ST6GALNAC5: variants seen among roughly 807,000 people sequenced by gnomAD.
ST6GALNAC5 encodes the protein ST6 N-acetylgalactosaminide alpha-2,6-sialyltransferase 5.
In ST6GALNAC5, 27 loss-of-function variants were observed where a neutral mutation model predicts 33.6. The observed-to-expected ratio is 0.80, with a 90% CI of 0.59 to 1.11. ST6GALNAC5 has a LOEUF of 1.11. ST6GALNAC5 is among the 50% of genes least tolerant of loss of function. The pLI is 0.00. For missense variants in ST6GALNAC5, 428 were observed against 454.0 expected, an observed-to-expected ratio of 0.94 and a Z score of 0.52; for synonymous variants, 194 against 171.2, an observed-to-expected ratio of 1.13 and a Z score of -1.04.
intron 2 of ST6GALNAC5, among the ~76,000 whole-genome samples, chr1:77,008,050 C>T (rs1195668682): frequency 6.6e-6 from 1 of 152,098 alleles, no homozygotes; most frequent in Non-Finnish European, 1.5e-5. Context: ...AGTAGACCAG[C>T]ATTCTATATT....
At chr1:76,999,613 T>G (rs1405475373) in intron 2 of ST6GALNAC5, among the ~76,000 whole-genome samples, 1 of 151,406 alleles carries the variant, frequency 6.6e-6, no homozygotes, top group Non-Finnish European at 1.5e-5. Flanking sequence ...TAGCATTAGG[T>G]ATATCTCCCA....
intron 2 of ST6GALNAC5, among the ~76,000 whole-genome samples, chr1:76,997,821 A>T (rs1649994221): frequency 6.6e-6 from 1 of 152,164 alleles, no homozygotes; most frequent in Non-Finnish European, 1.5e-5. Flanking sequence ...CAACATAGCG[A>T]GACCCCATCT....
chr1:77,015,587 G>C (rs2100429037), intron 2 of ST6GALNAC5, among the ~76,000 whole-genome samples: 1 of 152,272 alleles, frequency 6.6e-6, no homozygotes. Flanking sequence ...TAGTGGAGGA[G>C]ACAGACCTGA....
intron 2 of ST6GALNAC5, among the ~76,000 whole-genome samples, chr1:76,882,214 T>G (rs2100923911): frequency 6.6e-6 from 1 of 152,330 alleles, no homozygotes; most frequent in South Asian, 2.1e-4. Flanking sequence ...TGCATGGTAC[T>G]AATTAATTGA....
chr1:77,018,053 T>A (rs73003391), intron 2 of ST6GALNAC5, among the ~76,000 whole-genome samples: 4,797 of 152,234 alleles, frequency 0.032, 217 homozygotes, highest in African/African-American at 0.1. Context: ...AGATCCTTCA[T>A]TGGCGCTGAG....
intron 2 of ST6GALNAC5, among the ~76,000 whole-genome samples, chr1:76,974,983 C>T (rs1648947112): frequency 6.6e-6 from 1 of 151,564 alleles, no homozygotes; most frequent in African/African-American, 2.4e-5. Flanking sequence ...AACGGGGTTT[C>T]ACCATGTTAG....
At chr1:77,048,188 A>G (rs1399845165) in intron 3 of ST6GALNAC5, among the ~76,000 whole-genome samples, 1 of 152,210 alleles carries the variant, frequency 6.6e-6, no homozygotes, top group African/African-American at 2.4e-5. Flanking sequence ...GTGGTTTACA[A>G]TCTCTACTAC....
chr1:76,989,806 A>G (rs1353866390), intron 2 of ST6GALNAC5, among the ~76,000 whole-genome samples: 1 of 152,066 alleles, frequency 6.6e-6, no homozygotes, highest in African/African-American at 2.4e-5. Flanking sequence ...TTAGGGTAGA[A>G]GGTCACATCC....
chr1:76,896,831 A>G (rs1289237966), intron 2 of ST6GALNAC5, among the ~76,000 whole-genome samples: 1 of 152,176 alleles, frequency 6.6e-6, no homozygotes, highest in Non-Finnish European at 1.5e-5. Flanking sequence ...TAGGGCCTCT[A>G]AAAGTATTAA....
chr1:76,944,681 T>C (rs1647452503), intron 2 of ST6GALNAC5, among the ~76,000 whole-genome samples: 1 of 152,098 alleles, frequency 6.6e-6, no homozygotes, highest in Non-Finnish European at 1.5e-5. Flanking sequence ...AGCCAGCACA[T>C]TGTCTATAAA....
chr1:76,963,905 C>A (rs181571778), intron 2 of ST6GALNAC5, among the ~76,000 whole-genome samples: 3 of 152,050 alleles, frequency 2.0e-5, no homozygotes, highest in African/African-American at 7.2e-5. Flanking sequence ...AAGGGGAGAA[C>A]CTTTTCCCAC....
At chr1:76,926,336 C>T (rs1409504617) in intron 2 of ST6GALNAC5, among the ~76,000 whole-genome samples, 6 of 152,168 alleles carry the variant, frequency 3.9e-5, no homozygotes, top group Middle Eastern at 3.4e-3. Context: ...TATCACCCAG[C>T]GGCAACCATT....
intron 2 of ST6GALNAC5, among the ~76,000 whole-genome samples, chr1:76,910,667 T>C (rs1646902649): frequency 6.6e-6 from 1 of 152,070 alleles, no homozygotes; most frequent in Admixed American, 6.6e-5. Flanking sequence ...TTGTTATCAA[T>C]GTGAGTTTGA....
chr1:76,988,003 C>T (rs1649579332), intron 2 of ST6GALNAC5, among the ~76,000 whole-genome samples: 3 of 152,236 alleles, frequency 2.0e-5, no homozygotes, highest in Admixed American at 2.0e-4. Context: ...CTTAGAAACA[C>T]CAATTATTCT....
chr1:76,877,111 A>C (rs755194890), intron 2 of ST6GALNAC5, among the ~76,000 whole-genome samples: 12 of 152,200 alleles, frequency 7.9e-5, no homozygotes, highest in Non-Finnish European at 1.6e-4. Flanking sequence ...TGGTGACTTG[A>C]TGACCCATAG....
At chr1:77,034,823 T>C (rs1245129802) in intron 2 of ST6GALNAC5, among the ~76,000 whole-genome samples, 1 of 152,226 alleles carries the variant, frequency 6.6e-6, no homozygotes, top group Non-Finnish European at 1.5e-5. Context: ...AAGTGTACTA[T>C]TATTTAAGGA....
chr1:77,005,901 T>C (rs1650392738), intron 2 of ST6GALNAC5, among the ~76,000 whole-genome samples: 1 of 152,266 alleles, frequency 6.6e-6, no homozygotes, highest in Admixed American at 6.5e-5. Context: ...CAAGGCTAAA[T>C]ATGTTCTACT....
chr1:76,960,072 T>C (rs1214657532), intron 2 of ST6GALNAC5, among the ~76,000 whole-genome samples: 1 of 152,160 alleles, frequency 6.6e-6, no homozygotes, highest in Non-Finnish European at 1.5e-5. Flanking sequence ...CTTTTAAATA[T>C]ACACTATGTT....
At chr1:77,030,848 C>G (rs1454943047) in intron 2 of ST6GALNAC5, among the ~76,000 whole-genome samples, 1 of 152,244 alleles carries the variant, frequency 6.6e-6, no homozygotes, top group Non-Finnish European at 1.5e-5. Context: ...TCCCAGCCTT[C>G]TTGAAGGAGC....
Sources: gnomAD v4.1 joint callset for allele counts (sites outside exome capture counted in the v4.1 genomes callset) on GRCh38, gnomAD v4.1.1 for gene constraint, MANE v1.5 for transcripts, NCBI Gene and HGNC (gene_info 2026-07-23, HGNC 2026-07-21) for gene names.